CLDN10: variants seen among roughly 807,000 people sequenced by gnomAD.
CLDN10 encodes the protein claudin 10.
A neutral mutation model predicts 22.9 loss-of-function variants in CLDN10; 15 were observed. That is an observed-to-expected ratio of 0.65 (90% confidence interval 0.44 to 1.01). CLDN10 has a LOEUF of 1.01. Among genes scored for constraint, CLDN10 ranks in the 50% least tolerant of loss-of-function variants. CLDN10 has a pLI of 0.00. For synonymous variants in CLDN10, 114 were observed against 111.4 expected (o/e 1.02, Z -0.15); for missense variants, 247 against 287.8 (o/e 0.86, Z 1.03).
intron 1 of CLDN10, among the ~76,000 whole-genome samples, chr13:95,443,849 G>A (rs2042346938): frequency 6.6e-6 from 1 of 152,172 alleles, no homozygotes; most frequent in African/African-American, 2.4e-5. Context: ...TAGCCCTCGG[G>A]TTGGAGGAGC....
Position 95,440,877 on chromosome 13 carries a change from G to A in CLDN10, c.214+6830G>A, listed in dbSNP as rs904599935. Among the ~76,000 whole-genome samples the A allele has an allele frequency of 3.3e-5, 5 of 152,328 alleles. 1 individual carries two copies. The highest frequency in any genetic ancestry group is 2.6e-4 in the Admixed American group (4 of 15,310). ...ACAGTGGTGAAGATGGCGCTGGAGCGGTCAGAATGACCTCAATTGCCATAG... is the reference window on the plus strand; with the variant it reads ...ACAGTGGTGAAGATGGCGCTGGAGCAGTCAGAATGACCTCAATTGCCATAG... On this transcript the variant is annotated intron_variant, in intron 1 of 4. Transcript: ENST00000376873.
chr13:95,463,012 T>G (rs1259562286), intron 1 of CLDN10, among the ~76,000 whole-genome samples: 1 of 152,034 alleles, frequency 6.6e-6, no homozygotes, highest in African/African-American at 2.4e-5. Context: ...CTTCAGAGCC[T>G]TTGTGTTTGC....
chr13:95,469,126 T>C (rs1476630175), intron 1 of CLDN10, among the ~76,000 whole-genome samples: 1 of 151,464 alleles, frequency 6.6e-6, no homozygotes, highest in Non-Finnish European at 1.5e-5. Context: ...CTGTTTCTTT[T>C]TTTTTTTTTT....
At position 95,578,149 on chromosome 13, in the gene CLDN10, T is replaced by G. The variant is rs1318650404; in HGVS notation, c.*135T>G. ...ATGCATTTGAAGCATCTGTTGATTG[T>G]ATGGATGTAAGTGTTCTTACATAGT... On this transcript the variant is annotated 3_prime_UTR_variant, in exon 5 of 5. Transcript: ENST00000299339. 3 of 576,018 alleles carry G rather than the reference T, an allele frequency of 5.2e-6. No individual in the cohort carries two copies. In the Admixed American group the frequency reaches 9.6e-5, roughly 18 times the overall value. 35.7% of individuals were successfully genotyped at this position (576,018 alleles called of 1,614,324 possible).
Position 95,558,607 on chromosome 13 carries a change from C to G in CLDN10, c.221-1525C>G, listed in dbSNP as rs377521810. Among the ~76,000 whole-genome samples, 123 of 152,284 alleles carry G rather than the reference C, an allele frequency of 8.1e-4. 3 individuals are homozygous for G. The South Asian group carries it at 0.024, about 30-fold the overall frequency. The stretch of plus-strand genomic sequence containing the variant: ...ATGGGTCCAAGGAATAGGATTAAAA[C>G]TTCAATTTCATTCTTTTCCAAAGAA... On this transcript the variant is annotated intron_variant, in intron 1 of 4. Coordinates refer to ENST00000299339, the MANE Select transcript of CLDN10 (RefSeq NM_006984.5).
chr13:95,565,223 C>T (rs2043769504), intron 3 of CLDN10, among the ~76,000 whole-genome samples: 1 of 152,048 alleles, frequency 6.6e-6, no homozygotes, highest in Admixed American at 6.5e-5. Flanking sequence ...ACGTTATTCC[C>T]ACCATTGTTT....
chr13:95,537,779 G>A (rs541809480), intron 1 of CLDN10, among the ~76,000 whole-genome samples: 2 of 152,098 alleles, frequency 1.3e-5, no homozygotes, highest in South Asian at 4.1e-4. Context: ...ATTTGCTGGG[G>A]TGCGGTAGCC....
chr13:95,453,381 C>A (rs2042450744), intron 1 of CLDN10, among the ~76,000 whole-genome samples: 1 of 152,144 alleles, frequency 6.6e-6, no homozygotes, highest in Non-Finnish European at 1.5e-5. Context: ...TTAGCCTTAC[C>A]TCTAAATAAA....
intron 1 of CLDN10, among the ~76,000 whole-genome samples, chr13:95,497,394 T>G (rs1166873233): frequency 1.3e-5 from 2 of 152,108 alleles, no homozygotes; most frequent in Non-Finnish European, 2.9e-5. Context: ...TCAGAAGCAG[T>G]GTGGCTGGGC....
At position 95,437,929 on chromosome 13, in the gene CLDN10, C is replaced by G. The variant is rs1057161335; in HGVS notation, c.214+3882C>G. On this transcript the variant is annotated intron_variant, in intron 1 of 4. Coordinates refer to the CLDN10 transcript ENST00000376873. The stretch of plus-strand genomic sequence containing the variant: ...TTCAGGTATCTTTCAACCTAGAGTT[C>G]AATTCCAGAACTTCACAATGCTTCG... Among the ~76,000 whole-genome samples, 8 of 152,344 alleles carry G rather than the reference C, an allele frequency of 5.3e-5. No individual in the cohort carries two copies. In the South Asian group the frequency reaches 1.7e-3, roughly 32 times the overall value.
chr13:95,515,803 C>T (rs554377036), intron 1 of CLDN10, among the ~76,000 whole-genome samples: 16 of 152,140 alleles, frequency 1.1e-4, no homozygotes, highest in Non-Finnish European at 1.9e-4. Context: ...TCTTTCTAGT[C>T]CTCTGCTGAC....
At position 95,552,990 on chromosome 13, in the gene CLDN10, C is replaced by T. The variant is rs758776274; in HGVS notation, c.220+17C>T. On this transcript the variant is annotated intron_variant, in intron 1 of 4. Transcript: ENST00000299339. Reference sequence around the variant, plus strand: ...CGCTGGACGGTCTGCATCCCCGCGGCCCCCGCCCTCAGCCCTCCTTCCTTG... The same window carrying T: ...CGCTGGACGGTCTGCATCCCCGCGGTCCCCGCCCTCAGCCCTCCTTCCTTG... 10 of 1,612,096 alleles carry T rather than the reference C, an allele frequency of 6.2e-6. 1 individual carries two copies. The South Asian group carries it at 8.8e-5, about 14-fold the overall frequency.
At chr13:95,548,276 C>A (rs543985374), upstream of CLDN10, among the ~76,000 whole-genome samples, 14 of 152,290 alleles carry the variant, frequency 9.2e-5, no homozygotes, top group East Asian at 2.5e-3. Context: ...CCAAACCTTA[C>A]CCCTCCCCTT....
intron 1 of CLDN10, among the ~76,000 whole-genome samples, chr13:95,514,152 T>C (rs990516228): frequency 9.9e-5 from 15 of 152,102 alleles, no homozygotes; most frequent in Non-Finnish European, 2.2e-4. Context: ...CAGCTACTTC[T>C]GGAGGCTGAC....
chr13:95,485,758 G>A (rs7322391), intron 1 of CLDN10, among the ~76,000 whole-genome samples: 89,226 of 152,028 alleles, frequency 0.59, 27,223 homozygotes, highest in African/African-American at 0.76. Flanking sequence ...AATTCTAGCC[G>A]TGCTTTGAGG....
chr13:95,478,909 C>T (rs753251843), intron 1 of CLDN10, among the ~76,000 whole-genome samples: 1 of 152,238 alleles, frequency 6.6e-6, no homozygotes, highest in Non-Finnish European at 1.5e-5. Context: ...TGGCCAAGCA[C>T]TGCCCTGGCA....
upstream of CLDN10, chr13:95,552,671 G>C (rs1000950282): frequency 6.3e-6 from 9 of 1,435,534 alleles, no homozygotes; most frequent in Admixed American, 5.0e-5. Flanking sequence ...GGCGGAGGCG[G>C]GAGGCGGAGC....
intron 1 of CLDN10, among the ~76,000 whole-genome samples, chr13:95,555,007 T>C (rs1307343012): frequency 1.3e-5 from 2 of 151,994 alleles, no homozygotes; most frequent in African/African-American, 4.8e-5. Context: ...TGTATGAGAA[T>C]ACCTGCTTCT....
At chr13:95,547,577 C>A (rs1212498015) in intron 1 of CLDN10, among the ~76,000 whole-genome samples, 8 of 152,128 alleles carry the variant, frequency 5.3e-5, no homozygotes, top group Non-Finnish European at 8.8e-5. Flanking sequence ...CTTCACAACG[C>A]CTTTGAAAGA....
Sources: allele counts gnomAD v4.1 joint callset (sites outside exome capture counted in the v4.1 genomes callset), GRCh38; gene constraint gnomAD v4.1.1; transcripts MANE v1.5; gene names NCBI Gene and HGNC (gene_info 2026-07-23, HGNC 2026-07-21).